HCRTR1: variants seen among roughly 807,000 people sequenced by gnomAD.
HCRTR1 encodes the protein hypocretin receptor 1.
Under a neutral mutation model 40.6 loss-of-function variants are expected in HCRTR1, and 28 were observed. That is an observed-to-expected ratio of 0.69 (90% CI 0.51 to 0.95). HCRTR1 has a LOEUF of 0.95. HCRTR1 is among the 40% of genes least tolerant of loss of function. The probability of loss-of-function intolerance (pLI) is 0.00; values close to 1 mark genes in which losing one functional copy is unlikely to be tolerated. For missense variants in HCRTR1, 482 were observed against 564.7 expected (o/e 0.85, Z 1.48); for synonymous variants, 209 against 230.0 (o/e 0.91, Z 0.83).
chr1:31,628,471 T>C (rs748099153), downstream of HCRTR1, among the ~76,000 whole-genome samples: 32 of 152,098 alleles, frequency 2.1e-4, no homozygotes, highest in Non-Finnish European at 4.4e-5. Flanking sequence ...GCACAGTGCA[T>C]AGGTAGGCTT....
chr1:31,627,528 T>C lies in HCRTR1; in HGVS notation c.*548T>C. The stretch of plus-strand genomic sequence containing the variant: ...CACCACAGACCCGACCTTGTTGGCT[T>C]TGTGGTGTGATAAAACACTCTCCAT... On this transcript the variant is annotated 3_prime_UTR_variant, in exon 9 of 9. Coordinates refer to ENST00000403528, the MANE Select transcript of HCRTR1 (RefSeq NM_001525.3). 1 of 403,934 alleles carries C rather than the reference T, an allele frequency of 2.5e-6. No homozygotes were observed. The highest frequency in any genetic ancestry group is 2.0e-5 in the South Asian group (1 of 50,822). 25.0% of individuals were successfully genotyped at this position (403,934 alleles called of 1,614,324 possible). A position where few individuals can be genotyped will look rare whatever the true frequency, so the allele number is the denominator to read the frequency against.
chr1:31,619,686 C>T lies in HCRTR1; in HGVS notation c.354C>T (p.Leu118=). 1 of 1,608,464 alleles carries T rather than the reference C, an allele frequency of 6.2e-7. No homozygotes were observed. Among genetic ancestry groups the T allele is most frequent in the Non-Finnish European group, 8.5e-7 (1 of 1,176,802 alleles). The change falls in exon 4 of 9, where the codon CTC becomes CTT. Residue 118 remains leucine (L), a synonymous_variant. Transcript: ENST00000403528. The part of the protein sequence containing the change: ...ITESWLFGHA[L]CKVIPYLQAV... ...AGTCCTGGCTGTTCGGCCATGCCCTCTGCAAGGTCATCCCCTATCTACAGG... is the reference window on the plus strand; with the variant it reads ...AGTCCTGGCTGTTCGGCCATGCCCTTTGCAAGGTCATCCCCTATCTACAGG...
intron 7 of HCRTR1, among the ~76,000 whole-genome samples, chr1:31,624,259 G>C (rs1639925598): frequency 1.3e-5 from 2 of 152,062 alleles, no homozygotes; most frequent in South Asian, 4.2e-4. Context: ...AGGAGTTCAA[G>C]ATCAGCCCGG....
At chr1:31,632,775 T>C, downstream of HCRTR1, 11 of 1,011,970 alleles carry the variant, frequency 1.1e-5, no homozygotes, top group Non-Finnish European at 1.6e-5. Flanking sequence ...GAGGCCCAGA[T>C]GCCTGCACCT....
At chr1:31,617,940 G>A (rs1639765213) in intron 1 of HCRTR1, 59 bp downstream of exon 1, 1 of 152,354 alleles carries the variant, frequency 6.6e-6, no homozygotes, top group Non-Finnish European at 1.5e-5. Flanking sequence ...CCCGCGGCGA[G>A]GGATGGGAGG....
At chr1:31,629,546 T>A (rs375020618), downstream of HCRTR1, among the ~76,000 whole-genome samples, 2 of 152,206 alleles carry the variant, frequency 1.3e-5, no homozygotes, top group East Asian at 3.8e-4. Context: ...AAGATAAAAC[T>A]AGGGCCTGAG....
intron 7 of HCRTR1, 137 bp from the exon 8 acceptor site, chr1:31,624,860 C>G (rs1482690033): frequency 1.1e-6 from 1 of 939,408 alleles, no homozygotes; most frequent in African/African-American, 1.7e-5. Context: ...ACCTCAGGTA[C>G]AGAAGGCCAG....
chr1:31,626,702 G>C lies in HCRTR1; in HGVS notation c.1088-88G>C. On this transcript the variant is annotated intron_variant, in intron 8 of 8. Coordinates refer to ENST00000403528, the MANE Select transcript of HCRTR1 (RefSeq NM_001525.3). The surrounding 1 kb of genome is among the most constrained non-coding windows in gnomAD (Gnocchi z 4.6). Reference sequence around the variant, plus strand: ...TCCCCGCCCCCTCATAGGCAGCTTGGCTGGAGCTGCGTGGGTGTCCCTGGG... The same window carrying C: ...TCCCCGCCCCCTCATAGGCAGCTTGCCTGGAGCTGCGTGGGTGTCCCTGGG... 1 of 1,376,482 alleles carries C rather than the reference G, an allele frequency of 7.3e-7. No individual in the cohort carries two copies. The highest frequency in any genetic ancestry group is 9.8e-7 in the Non-Finnish European group (1 of 1,025,010). The allele number at this position is 1,376,482 out of a possible 1,614,324, so 85.3% of individuals were successfully genotyped here.
rs1639995881 is a variant in HCRTR1 at position 31,627,100 on chromosome 1, A to G, written c.*120A>G. 1.4e-6 allele frequency: 2 copies of G among 1,457,002 alleles called. No individual in the cohort carries two copies. Among genetic ancestry groups the G allele is most frequent in the Non-Finnish European group, 1.8e-6 (2 of 1,091,154 alleles). The allele number at this position is 1,457,002 out of a possible 1,614,324, so 90.3% of individuals were successfully genotyped here. Reference sequence around the variant, plus strand: ...TGGGTTTCTGCCTGTGTGACTCTGGATAAGTCACTTCCTCTGTCTGAGCTT... The same window carrying G: ...TGGGTTTCTGCCTGTGTGACTCTGGGTAAGTCACTTCCTCTGTCTGAGCTT... On this transcript the variant is annotated 3_prime_UTR_variant, in exon 9 of 9. Coordinates refer to ENST00000403528, the MANE Select transcript of HCRTR1 (RefSeq NM_001525.3).
downstream of HCRTR1, among the ~76,000 whole-genome samples, chr1:31,628,867 T>C (rs527337933): frequency 6.6e-6 from 1 of 152,262 alleles, no homozygotes; most frequent in South Asian, 2.1e-4. Context: ...GAAAATGTGG[T>C]ATATAGGGTA....
At chr1:31,621,181 T>C in intron 5 of HCRTR1, 95 bp downstream of exon 5, 1 of 1,466,676 alleles carries the variant, frequency 6.8e-7, no homozygotes, top group Non-Finnish European at 9.1e-7. Flanking sequence ...CCTTCCAAAG[T>C]GGGAAATCCC....
chr1:31,619,207 C>T lies in HCRTR1; in HGVS notation c.15C>T (p.Ala5=), dbSNP rs1639795435. 6.2e-7 allele frequency: 1 copy of T among 1,611,960 alleles called. No individual in the cohort carries two copies. The highest frequency in any genetic ancestry group is 1.7e-5 in the Admixed American group (1 of 60,004). The change falls in exon 3 of 9, where the codon GCC becomes GCT. Residue 5 remains alanine (A), a synonymous_variant. Coordinates refer to ENST00000403528, the MANE Select transcript of HCRTR1 (RefSeq NM_001525.3). MEPS[A]TPGAQMGVPP... ...CTCCTGAGCTCATGGAGCCCTCAGCCACCCCAGGGGCCCAGATGGGGGTCC... is the reference window on the plus strand; with the variant it reads ...CTCCTGAGCTCATGGAGCCCTCAGCTACCCCAGGGGCCCAGATGGGGGTCC...
In HCRTR1 at chr1:31,620,934, C is replaced by T. The variant is rs201449126; in HGVS notation, c.470C>T (p.Thr157Ile). Residue 157 changes from threonine (T) to isoleucine (I), a missense_variant, in exon 5 of 9, where the codon ACA (threonine) becomes ATA (isoleucine). Thr to Ile is a moderately conservative substitution (Grantham distance 89). Coordinates refer to ENST00000403528, the MANE Select transcript of HCRTR1 (RefSeq NM_001525.3). ...TGCCACCCACTATTGTTCAAGAGCACAGCCCGGCGGGCCCGTGGCTCCATC... is the reference window on the plus strand; with the variant it reads ...TGCCACCCACTATTGTTCAAGAGCATAGCCCGGCGGGCCCGTGGCTCCATC... ...AICHPLLFKS[T>I]ARRARGSILG... 39 of 1,614,146 alleles carry T rather than the reference C, an allele frequency of 2.4e-5. No individual in the cohort carries two copies. Among genetic ancestry groups the T allele is most frequent in the Admixed American group, 2.0e-4 (12 of 60,026 alleles).
downstream of HCRTR1, chr1:31,632,402 G>A (rs570186314): frequency 6.9e-6 from 11 of 1,588,380 alleles, no homozygotes; most frequent in African/African-American, 1.3e-5. Context: ...GTGGACATTC[G>A]GTAACAAGAG....
chr1:31,633,930 G>A (rs1473022644), downstream of HCRTR1, among the ~76,000 whole-genome samples: 2 of 151,528 alleles, frequency 1.3e-5, no homozygotes, highest in Admixed American at 1.3e-4. Context: ...ACTCCAGCCT[G>A]GGCAACAAAA....
chr1:31,624,448 C>CAAAAAAAAAAAAAA (rs11438872), intron 7 of HCRTR1, among the ~76,000 whole-genome samples: 3 of 111,046 alleles, frequency 2.7e-5, no homozygotes, highest in African/African-American at 5.0e-5. Context: ...ACAGCTGTCT[C>CAAAAAAAAAAAAAA]AAAAAAAAAA....
intron 2 of HCRTR1, 58 bp from the exon 3 acceptor site, chr1:31,618,993 C>T (rs1381027037): frequency 1.7e-6 from 1 of 592,326 alleles, no homozygotes; most frequent in East Asian, 2.8e-5. Context: ...CTGGCACAAT[C>T]CCTAATGTTT....
rs977613822 is a variant in HCRTR1 at position 31,619,358 on chromosome 1, G to A, written c.166G>A (p.Val56Met). The change falls in exon 3 of 9, where the codon GTG becomes ATG. Residue 56 changes from valine (V) to methionine (M), a missense_variant. By Grantham distance (21) the Val-to-Met change is conservative (BLOSUM62 1). Coordinates refer to ENST00000403528, the MANE Select transcript of HCRTR1 (RefSeq NM_001525.3). ...GGTCCTCATCGCAGCCTATGTGGCT[G>A]TGTTCGTCGTGGCCCTGGTGGGCAA... is the stretch of plus-strand genomic sequence containing the variant. ...EWVLIAAYVAVFVVALVGNTL... is the reference protein window; with the variant it reads ...EWVLIAAYVAMFVVALVGNTL... 2 of 1,614,108 alleles carry A rather than the reference G, an allele frequency of 1.2e-6. No homozygotes were observed. The highest frequency in any genetic ancestry group is 1.7e-6 in the Non-Finnish European group (2 of 1,180,034).
chr1:31,633,028 G>T, downstream of HCRTR1: 2 of 1,127,316 alleles, frequency 1.8e-6, no homozygotes, highest in Non-Finnish European at 2.5e-6. Context: ...CCTGAACCTA[G>T]CTTCCTCCCC....
Sources: gnomAD v4.1 joint callset for allele counts (sites outside exome capture counted in the v4.1 genomes callset) on GRCh38, gnomAD v4.1.1 for gene constraint, Gnocchi (gnomAD v3.1) non-coding constraint, MANE v1.5 for transcripts, NCBI Gene and HGNC (gene_info 2026-07-23, HGNC 2026-07-21) for gene names.